PRDM14: variants seen among roughly 807,000 people sequenced by gnomAD.
PRDM14 encodes the protein PR/SET domain 14, also known as PR domain zinc finger protein 14.
In PRDM14, 16 loss-of-function variants were observed where a neutral mutation model predicts 48.0. The observed-to-expected ratio is 0.33, with a 90% CI of 0.23 to 0.51. The LOEUF (loss-of-function observed/expected upper bound fraction) is 0.51. PRDM14 is among the 20% of genes least tolerant of loss of function. PRDM14 has a pLI of 0.97. For missense variants in PRDM14, 566 were observed against 719.6 expected (o/e 0.79, Z 2.44); for synonymous variants, 264 against 276.6 (o/e 0.95, Z 0.45).
intron 6 of PRDM14, 114 bp downstream of exon 6, chr8:70,058,526 T>C (rs1319311571): frequency 3.6e-6 from 3 of 834,438 alleles, no homozygotes; most frequent in Middle Eastern, 3.5e-4. Flanking sequence ...AGAGAGGGTG[T>C]CCGTCAGGCA....
chr8:70,067,598 T>C (rs938988045), intron 4 of PRDM14, among the ~76,000 whole-genome samples: 9 of 152,186 alleles, frequency 5.9e-5, no homozygotes, highest in Admixed American at 5.2e-4. Flanking sequence ...TCTCCAACAT[T>C]TTGTTATTAT....
At chr8:70,066,202 C>A in intron 5 of PRDM14, 33 bp downstream of exon 5, 1 of 1,601,358 alleles carries the variant, frequency 6.2e-7, no homozygotes, top group Non-Finnish European at 8.5e-7. Context: ...TACTGGGATG[C>A]CCTCATTGGG....
At chr8:70,055,186 A>G in intron 7 of PRDM14, 114 bp downstream of exon 7, 5 of 575,242 alleles carry the variant, frequency 8.7e-6, no homozygotes, top group Non-Finnish European at 1.2e-5. Context: ...GACTGGGCTG[A>G]TATTTGACTA....
At chr8:70,055,425 G>A in intron 6 of PRDM14, 24 bp from the exon 7 acceptor site, 1 of 1,324,990 alleles carries the variant, frequency 7.5e-7, no homozygotes, top group Non-Finnish European at 1.1e-6. Flanking sequence ...GAAAAATATA[G>A]TTGAAATCAC....
At chr8:70,062,633 T>G (rs954100006) in intron 5 of PRDM14, among the ~76,000 whole-genome samples, 2 of 152,010 alleles carry the variant, frequency 1.3e-5, no homozygotes, top group African/African-American at 4.8e-5. Context: ...CCAGCTAATT[T>G]GTTTGTATTT....
chr8:70,062,326 G>T (rs1805598064), intron 5 of PRDM14, among the ~76,000 whole-genome samples: 1 of 152,084 alleles, frequency 6.6e-6, no homozygotes, highest in African/African-American at 2.4e-5. Context: ...ATAACAAATA[G>T]GTTGAGTATC....
chr8:70,060,448 C>G (rs1585650476), intron 5 of PRDM14, among the ~76,000 whole-genome samples: 1 of 151,630 alleles, frequency 6.6e-6, no homozygotes, highest in East Asian at 1.9e-4. Flanking sequence ...ATTGTCATAC[C>G]TAAACGATTA....
chr8:70,064,891 T>TC (rs539865976), intron 5 of PRDM14, among the ~76,000 whole-genome samples: 2 of 140,152 alleles, frequency 1.4e-5, no homozygotes, highest in Admixed American at 7.2e-5. Context: ...TCTCTCTCTC[T>TC]TTTTTTTTTT....
At chr8:70,060,702 C>A (rs1163814791) in intron 5 of PRDM14, among the ~76,000 whole-genome samples, 1 of 152,102 alleles carries the variant, frequency 6.6e-6, no homozygotes, top group African/African-American at 2.4e-5. Context: ...GCAGTGCAAC[C>A]CTGCAGCTCT....
intron 5 of PRDM14, among the ~76,000 whole-genome samples, chr8:70,061,256 C>G (rs1473454203): frequency 1.3e-5 from 2 of 152,110 alleles, no homozygotes; most frequent in African/African-American, 4.8e-5. Context: ...GATAAAGTGG[C>G]TTTGACTATG....
chr8:70,067,442 C>T (rs1443486310), intron 4 of PRDM14, among the ~76,000 whole-genome samples: 1 of 150,722 alleles, frequency 6.6e-6, no homozygotes, highest in Non-Finnish European at 1.5e-5. Flanking sequence ...TGCTTGAACC[C>T]AGGAGGTGGA....
In PRDM14 at chr8:70,051,770, T is replaced by TTTTTGTTTTG. The variant is rs71275046; in HGVS notation, c.*297_*306dup. On this transcript the variant is annotated 3_prime_UTR_variant, in exon 8 of 8. Transcript: ENST00000276594. ...CCACACTCTTGAGGGCTACTCATTT[T>TTTTTGTTTTG]TTTTGTTTTGTTTTGTTTTGAGACA... 4.1e-6 allele frequency: 1 copy of TTTTTGTTTTG among 246,628 alleles called. No homozygotes were observed. Among genetic ancestry groups the TTTTTGTTTTG allele is most frequent in the African/African-American group, 2.2e-5 (1 of 45,334 alleles). 15.3% of individuals were successfully genotyped at this position (246,628 alleles called of 1,614,324 possible). A position where few individuals can be genotyped will look rare whatever the true frequency, so the allele number is the denominator to read the frequency against.
chr8:70,058,859 A>G lies in PRDM14; in HGVS notation c.1184-17T>C, dbSNP rs1453448783. ...CTGCAGACTCTGTCAAACACAGCAA[A>G]CACAATGTCTCTTCAGTTACTTCCC... On this transcript the variant is annotated splice_polypyrimidine_tract_variant and intron_variant, in intron 5 of 7. Transcript: ENST00000276594. 2 of 1,597,810 alleles carry G rather than the reference A, an allele frequency of 1.3e-6. No homozygotes were observed.
chr8:70,070,759 C>T (rs1450181151), intron 1 of PRDM14, among the ~76,000 whole-genome samples: 3 of 152,232 alleles, frequency 2.0e-5, no homozygotes, highest in African/African-American at 7.2e-5. Flanking sequence ...GTCCTCCCGC[C>T]CCCGCACCGC....
At chr8:70,058,903 G>T (rs1563439533) in intron 5 of PRDM14, 61 bp from the exon 6 acceptor site, 2 of 1,298,886 alleles carry the variant, frequency 1.5e-6, no homozygotes, top group Non-Finnish European at 2.2e-6. Flanking sequence ...TCCTTCAAGA[G>T]GATATTTATT....
At chr8:70,059,023 T>G (rs1427226600) in intron 5 of PRDM14, among the ~76,000 whole-genome samples, 181 bp from the exon 6 acceptor site, 1 of 152,198 alleles carries the variant, frequency 6.6e-6, no homozygotes, top group Non-Finnish European at 1.5e-5. Flanking sequence ...GGCACGATCT[T>G]GGCTCACTGC....
At chr8:70,063,684 A>G (rs1805621548) in intron 5 of PRDM14, among the ~76,000 whole-genome samples, 1 of 151,690 alleles carries the variant, frequency 6.6e-6, no homozygotes, top group African/African-American at 2.4e-5. Context: ...CACCACACCC[A>G]GCTAATTTTT....
chr8:70,066,546 T>C, intron 4 of PRDM14, 41 bp from the exon 5 acceptor site: 1 of 1,541,254 alleles, frequency 6.5e-7, no homozygotes, highest in Non-Finnish European at 8.8e-7. Context: ...GTACTTCTTT[T>C]TTGGTCTAAT....
intron 4 of PRDM14, among the ~76,000 whole-genome samples, chr8:70,066,921 A>G (rs922014528): frequency 6.6e-6 from 1 of 152,046 alleles, no homozygotes; most frequent in East Asian, 1.9e-4. Flanking sequence ...TTGTAGAGAC[A>G]GGGCCTCACT....
Sources: gnomAD v4.1 joint callset for allele counts (sites outside exome capture counted in the v4.1 genomes callset) on GRCh38, gnomAD v4.1.1 for gene constraint, MANE v1.5 for transcripts, NCBI Gene and HGNC (gene_info 2026-07-23, HGNC 2026-07-21) for gene names.